Variants in EYS observed in about 807,000 individuals in gnomAD.
EYS encodes the protein EGF-like photoreceptor maintenance factor, also known as protein eyes shut homolog.
A neutral mutation model predicts 282.1 loss-of-function variants in EYS; 250 were observed. The ratio of observed to expected loss-of-function variants is 0.89; its 90% CI spans 0.80 to 0.98. The LOEUF (loss-of-function observed/expected upper bound fraction) is 0.98, where lower values mean the gene tolerates loss of function less well. EYS is among the 50% of genes least tolerant of loss of function. The probability of loss-of-function intolerance (pLI) is 0.00; values close to 1 mark genes in which losing one functional copy is unlikely to be tolerated. For synonymous variants in EYS, 1,355 were observed against 1,282.9 expected (o/e 1.06, Z -1.20); for missense variants, 4,016 against 3,709.0 (o/e 1.08, Z -2.15).
chr6:64,519,958 GAA>G (rs1435666258), intron 26 of EYS, among the ~76,000 whole-genome samples: 1 of 151,788 alleles, frequency 6.6e-6, no homozygotes, highest in Admixed American at 6.6e-5. Context: ...TATGCAAAAT[GAA>G]AAGAGGGTTG....
intron 2 of EYS, among the ~76,000 whole-genome samples, chr6:65,601,417 T>C (rs1765612573): frequency 6.6e-6 from 1 of 151,828 alleles, no homozygotes; most frequent in Non-Finnish European, 1.5e-5. Flanking sequence ...ATGGCTACAG[T>C]CAATTATGCT....
At chr6:63,923,886 C>T (rs553631209) in intron 35 of EYS, among the ~76,000 whole-genome samples, 4 of 152,156 alleles carry the variant, frequency 2.6e-5, no homozygotes, top group African/African-American at 7.2e-5. Context: ...AACCTTTACT[C>T]TCCTTATAGA....
At chr6:64,709,919 G>A (rs1771150672) in intron 22 of EYS, among the ~76,000 whole-genome samples, 1 of 152,060 alleles carries the variant, frequency 6.6e-6, no homozygotes, top group Non-Finnish European at 1.5e-5. Context: ...CTAAGTCTTG[G>A]AATCTACTGT....
chr6:65,689,208 A>T (rs1769145451), intron 1 of EYS, among the ~76,000 whole-genome samples: 1 of 149,562 alleles, frequency 6.7e-6, no homozygotes, highest in African/African-American at 2.4e-5. Flanking sequence ...AAAAGGATGA[A>T]TTCATGTCCC....
intron 9 of EYS, among the ~76,000 whole-genome samples, chr6:65,348,435 CA>C (rs1289495232): frequency 3.3e-5 from 5 of 151,652 alleles, no homozygotes; most frequent in East Asian, 3.9e-4. Context: ...GATGACATCT[CA>C]TTTTAGTTAT....
chr6:64,909,299 CA>C (rs925587675), intron 16 of EYS, among the ~76,000 whole-genome samples: 3 of 151,562 alleles, frequency 2.0e-5, no homozygotes, highest in Non-Finnish European at 1.5e-5. Flanking sequence ...TTTATAGAGG[CA>C]AAAAAAGTTG....
At chr6:63,894,589 GT>G (rs778431575) in intron 35 of EYS, among the ~76,000 whole-genome samples, 8 of 147,684 alleles carry the variant, frequency 5.4e-5, no homozygotes, top group Admixed American at 2.7e-4. Flanking sequence ...TTGTTTGTTT[GT>G]TTTTTTTTTG....
chr6:63,997,158 T>C (rs1440700162), intron 34 of EYS, among the ~76,000 whole-genome samples: 1 of 152,220 alleles, frequency 6.6e-6, no homozygotes, highest in Non-Finnish European at 1.5e-5. Context: ...TCAGTTCTTA[T>C]ATCTTTATTC....
chr6:64,389,852 T>A (rs1773048655), intron 28 of EYS, among the ~76,000 whole-genome samples: 1 of 152,076 alleles, frequency 6.6e-6, no homozygotes, highest in Non-Finnish European at 1.5e-5. Context: ...GCCATTTCCA[T>A]CTGAGGTACC....
At chr6:63,790,242 T>G (rs1454570997) in intron 37 of EYS, among the ~76,000 whole-genome samples, 2 of 152,198 alleles carry the variant, frequency 1.3e-5, no homozygotes, top group Non-Finnish European at 2.9e-5. Context: ...CTTTGTCTGT[T>G]GACTGGGCTT....
intron 33 of EYS, among the ~76,000 whole-genome samples, chr6:64,051,920 C>T (rs1770821397): frequency 1.3e-5 from 2 of 151,954 alleles, no homozygotes; most frequent in South Asian, 4.2e-4. Context: ...AAGATGGGTG[C>T]AGGGGAAAGA....
At chr6:64,068,523 C>T (rs865913810) in intron 32 of EYS, among the ~76,000 whole-genome samples, 12 of 58,216 alleles carry the variant, frequency 2.1e-4, no homozygotes, top group Middle Eastern at 8.3e-3. Flanking sequence ...GGTGGGGGGA[C>T]GGGGGAGGGA....
chr6:65,161,387 G>A (rs1484501513), intron 12 of EYS, among the ~76,000 whole-genome samples: 2 of 150,726 alleles, frequency 1.3e-5, no homozygotes, highest in Non-Finnish European at 3.0e-5. Flanking sequence ...ATTCCCATAG[G>A]ATAATGTACA....
intron 19 of EYS, among the ~76,000 whole-genome samples, chr6:64,883,472 A>G (rs1371827487): frequency 3.3e-5 from 5 of 151,046 alleles, no homozygotes; most frequent in Admixed American, 6.6e-5. Flanking sequence ...ATATAAACAC[A>G]AATGTAGACA....
intron 12 of EYS, among the ~76,000 whole-genome samples, chr6:65,144,524 T>C (rs1764426851): frequency 6.6e-6 from 1 of 152,134 alleles, no homozygotes; most frequent in African/African-American, 2.4e-5. Context: ...ATCTGGGTTC[T>C]TGATCCAAAT....
At chr6:64,031,932 C>A (rs1042035100) in intron 33 of EYS, among the ~76,000 whole-genome samples, 1 of 152,130 alleles carries the variant, frequency 6.6e-6, no homozygotes, top group African/African-American at 2.4e-5. Flanking sequence ...CTGCTCTGGT[C>A]CCCTTCCACA....
chr6:64,647,235 AC>A (rs1235786991), intron 22 of EYS, among the ~76,000 whole-genome samples: 2 of 152,174 alleles, frequency 1.3e-5, no homozygotes, highest in African/African-American at 4.8e-5. Context: ...GTACCTCCTG[AC>A]AAAAGAATTT....
chr6:64,030,997 G>A (rs1170063775), intron 33 of EYS, among the ~76,000 whole-genome samples: 1 of 152,224 alleles, frequency 6.6e-6, no homozygotes, highest in African/African-American at 2.4e-5. Context: ...GGGATTGAGA[G>A]GTGACGGCGT....
chr6:65,060,694 C>G (rs578174904), intron 12 of EYS, among the ~76,000 whole-genome samples: 1 of 151,460 alleles, frequency 6.6e-6, no homozygotes, highest in Admixed American at 6.6e-5. Flanking sequence ...TAGCACAACA[C>G]TTTTCTAGTG....
Sources: allele counts gnomAD v4.1 joint callset (sites outside exome capture counted in the v4.1 genomes callset), GRCh38; gene constraint gnomAD v4.1.1; transcripts MANE v1.5; gene names NCBI Gene and HGNC (gene_info 2026-07-23, HGNC 2026-07-21).